The following EDIL3 variants were observed in gnomAD, a reference collection of about 807,000 sequenced individuals.
EDIL3 encodes EGF-like repeat and discoidin I-like domain-containing protein 3.
A neutral mutation model predicts 67.4 loss-of-function variants in EDIL3; 37 were observed. The ratio of observed to expected loss-of-function variants is 0.55; its 90% CI spans 0.42 to 0.72. The LOEUF is 0.72. Among genes scored for constraint, EDIL3 ranks in the 30% least tolerant of loss-of-function variants. EDIL3 has a pLI of 0.00. For synonymous variants in EDIL3, 195 were observed against 196.3 expected (o/e 0.99, Z 0.05); for missense variants, 527 against 586.3 (o/e 0.90, Z 1.04).
At position 84,092,544 on chromosome 5, in the gene EDIL3, T is replaced by C. The variant is rs367858005; in HGVS notation, c.651+14105A>G. ...CTATAACTCTTTGTGTTCTGTATTT[T>C]ATGAGAAACAGTAATAAAAATAGTT... is the stretch of plus-strand genomic sequence containing the variant. On this transcript the variant is annotated intron_variant, in intron 6 of 10. Coordinates refer to ENST00000296591, the MANE Select transcript of EDIL3 (RefSeq NM_005711.5). Among the ~76,000 whole-genome samples the C allele has an allele frequency of 3.9e-5, 6 of 152,306 alleles. No individual in the cohort carries two copies. In the South Asian group the frequency reaches 1.2e-3, roughly 32 times the overall value.
chr5:84,070,828 C>A (rs577998926), intron 6 of EDIL3, among the ~76,000 whole-genome samples: 1 of 152,130 alleles, frequency 6.6e-6, no homozygotes, highest in Non-Finnish European at 1.5e-5. Flanking sequence ...TATGGTAAAG[C>A]CTTAGTGTAA....
intron 9 of EDIL3, among the ~76,000 whole-genome samples, chr5:84,050,511 G>A (rs111300662): frequency 2.0e-5 from 3 of 152,324 alleles, no homozygotes; most frequent in African/African-American, 4.8e-5. Context: ...GAAGCAGGGC[G>A]AGGCATCGCC....
intron 1 of EDIL3, among the ~76,000 whole-genome samples, chr5:84,359,763 T>A (rs558299452): frequency 6.6e-6 from 1 of 152,300 alleles, no homozygotes; most frequent in Non-Finnish European, 1.5e-5. Context: ...ACCATGGCAC[T>A]GCCCAGACAA....
At chr5:84,235,530 C>G (rs899011944) in intron 2 of EDIL3, among the ~76,000 whole-genome samples, 3 of 152,026 alleles carry the variant, frequency 2.0e-5, no homozygotes, top group African/African-American at 7.2e-5. Flanking sequence ...TTTTATTAGT[C>G]TCTCCCATTA....
chr5:84,148,759 C>A (rs920874973), intron 4 of EDIL3, among the ~76,000 whole-genome samples: 7 of 152,110 alleles, frequency 4.6e-5, no homozygotes, highest in African/African-American at 1.7e-4. Flanking sequence ...AAGCAACAAA[C>A]TCACTACTCA....
intron 4 of EDIL3, among the ~76,000 whole-genome samples, chr5:84,145,016 T>G (rs538340402): frequency 1.3e-5 from 2 of 152,244 alleles, no homozygotes; most frequent in Middle Eastern, 3.4e-3. Flanking sequence ...TGAGAAGCAC[T>G]TTCCATGAAT....
At chr5:84,134,813 C>G (rs931712373) in intron 5 of EDIL3, among the ~76,000 whole-genome samples, 6 of 152,066 alleles carry the variant, frequency 3.9e-5, no homozygotes, top group African/African-American at 7.2e-5. Context: ...TGTCAGCACA[C>G]GGAGAATACA....
chr5:83,979,948 T>A (rs951263158), intron 9 of EDIL3, among the ~76,000 whole-genome samples: 1 of 152,082 alleles, frequency 6.6e-6, no homozygotes, highest in Non-Finnish European at 1.5e-5. Context: ...TTTGATGACA[T>A]CAATGTCTTG....
At chr5:84,295,105 T>C (rs1447901800) in intron 1 of EDIL3, among the ~76,000 whole-genome samples, 1 of 152,138 alleles carries the variant, frequency 6.6e-6, no homozygotes, top group African/African-American at 2.4e-5. Context: ...GCAGAAAACT[T>C]AACAGTTATA....
chr5:84,054,908 C>T (rs1746415101), intron 9 of EDIL3, among the ~76,000 whole-genome samples: 1 of 145,564 alleles, frequency 6.9e-6, no homozygotes, highest in Non-Finnish European at 1.5e-5. Flanking sequence ...AGATTCAATG[C>T]CATCCCCATC....
chr5:84,105,257 A>T (rs756936648), intron 6 of EDIL3, among the ~76,000 whole-genome samples: 38 of 152,120 alleles, frequency 2.5e-4, no homozygotes, highest in Non-Finnish European at 5.0e-4. Flanking sequence ...TAGATTGAAA[A>T]AGTCAAGTGT....
chr5:84,253,043 T>A (rs1042537047), intron 2 of EDIL3, among the ~76,000 whole-genome samples: 1 of 152,190 alleles, frequency 6.6e-6, no homozygotes, highest in Non-Finnish European at 1.5e-5. Context: ...TGGCCAAAGA[T>A]GGTAAATTAA....
At position 83,941,993 on chromosome 5, in the gene EDIL3, T is replaced by C. The variant is rs1418739485; in HGVS notation, c.*1426A>G. The C allele has an allele frequency of 6.6e-6, 1 of 152,036 alleles. No homozygotes were observed. Among genetic ancestry groups the C allele is most frequent in the Non-Finnish European group, 1.5e-5 (1 of 67,938 alleles). 9.4% of individuals were successfully genotyped at this position (152,036 alleles called of 1,614,324 possible). On this transcript the variant is annotated 3_prime_UTR_variant, in exon 11 of 11. Transcript: ENST00000296591. ...AAAGGAAAAAAATAGCAGTGTTGCG[T>C]AGGATCTTAACATTTCATACACATA...
chr5:84,095,478 C>G (rs888090335), intron 6 of EDIL3, among the ~76,000 whole-genome samples: 1 of 152,166 alleles, frequency 6.6e-6, no homozygotes, highest in African/African-American at 2.4e-5. Flanking sequence ...AGATGAGGAA[C>G]TTGCTGGGAA....
intron 5 of EDIL3, among the ~76,000 whole-genome samples, chr5:84,126,316 A>G (rs1408857032): frequency 6.6e-6 from 1 of 152,066 alleles, no homozygotes; most frequent in Non-Finnish European, 1.5e-5. Context: ...TTTGAAACAG[A>G]TAAACCATTA....
At chr5:84,060,971 C>G (rs1220044894) in intron 8 of EDIL3, among the ~76,000 whole-genome samples, 1 of 152,106 alleles carries the variant, frequency 6.6e-6, no homozygotes, top group Admixed American at 6.6e-5. Context: ...CTGCTGTATT[C>G]TAAACCGGAC....
chr5:84,221,435 C>G (rs552314530), intron 3 of EDIL3, among the ~76,000 whole-genome samples: 112 of 152,198 alleles, frequency 7.4e-4, no homozygotes, highest in African/African-American at 2.3e-3. Context: ...TGATCCTGTT[C>G]TACAGCAAAG....
chr5:84,054,157 T>C (rs1223060378), intron 9 of EDIL3, among the ~76,000 whole-genome samples: 2 of 152,100 alleles, frequency 1.3e-5, no homozygotes, highest in Non-Finnish European at 2.9e-5. Context: ...GTTCAACATA[T>C]GCAAATCAGT....
At chr5:84,351,986 G>A (rs985379834) in intron 1 of EDIL3, among the ~76,000 whole-genome samples, 3 of 151,782 alleles carry the variant, frequency 2.0e-5, no homozygotes, top group Admixed American at 6.6e-5. Context: ...GACATGAACA[G>A]GCATATCTAA....
Sources: gnomAD v4.1 joint callset for allele counts (sites outside exome capture counted in the v4.1 genomes callset) on GRCh38, gnomAD v4.1.1 for gene constraint, MANE v1.5 for transcripts, NCBI Gene and HGNC (gene_info 2026-07-23, HGNC 2026-07-21) for gene names.